NCOR2: variants seen among roughly 807,000 people sequenced by gnomAD.
The protein encoded by NCOR2 is nuclear receptor corepressor 2, also known as CTG repeat protein 26.
NCOR2 carries 81 observed loss-of-function variants against 262.9 expected under a neutral mutation model. The ratio of observed to expected loss-of-function variants is 0.31; its 90% CI spans 0.26 to 0.37. The LOEUF is 0.37. NCOR2 is among the 10% of genes least tolerant of loss of function. The pLI is 1.00. For missense variants in NCOR2, 3,385 were observed against 3,621.4 expected, an observed-to-expected ratio of 0.93 and a Z score of 1.68; for synonymous variants, 1,659 against 1,559.3, an observed-to-expected ratio of 1.06 and a Z score of -1.51.
Position 124,531,466 on chromosome 12 carries a change from T to C in NCOR2, c.-118+4099A>G, listed in dbSNP as rs1192208973. On this transcript the variant is annotated intron_variant, in intron 1 of 46. Transcript: ENST00000404621. This position sits in a 1 kb window ranked among gnomAD's most constrained non-coding sequence, Gnocchi z 4.5. ...CACAGGCACCATTAATTGCTGTCAT[T>C]TGAGGGTGGCCTGTGGGGAGAAGGA... is the stretch of plus-strand genomic sequence containing the variant. Among the ~76,000 whole-genome samples the C allele has an allele frequency of 1.3e-5, 2 of 151,560 alleles. No homozygotes were observed. The highest frequency in any genetic ancestry group is 4.9e-5 in the African/African-American group (2 of 41,034).
At chr12:124,370,743 G>C (rs963188673) in intron 20 of NCOR2, among the ~76,000 whole-genome samples, 4 of 152,182 alleles carry the variant, frequency 2.6e-5, no homozygotes, top group African/African-American at 9.7e-5. Context: ...CATTCTCAGG[G>C]ATGTGGGGTC....
chr12:124,375,511 C>T (rs2039921235), intron 18 of NCOR2, among the ~76,000 whole-genome samples: 1 of 152,344 alleles, frequency 6.6e-6, no homozygotes, highest in Admixed American at 6.5e-5. Context: ...CACTCTGCCA[C>T]CGCTGCCCTA....
chr12:124,355,689 C>T lies in NCOR2; in HGVS notation c.3242-118G>A, dbSNP rs185988997. The T allele has an allele frequency of 4.1e-5, 55 of 1,353,156 alleles. No homozygotes were observed. The East Asian group carries it at 4.8e-4, about 12-fold the overall frequency. The allele number at this position is 1,353,156 out of a possible 1,614,324, so 83.8% of individuals were successfully genotyped here. A position where few individuals can be genotyped will look rare whatever the true frequency, so the allele number is the denominator to read the frequency against. On this transcript the variant is annotated intron_variant, in intron 23 of 46. Transcript: ENST00000405201. The stretch of plus-strand genomic sequence containing the variant: ...CCTGGCCAGGAAGTGCCCATCCATG[C>T]GCACTCCTCTATTGCCCTGCCTGGC...
Position 124,449,881 on chromosome 12 carries a change from G to A in NCOR2, c.763-14C>T. ...GTTGTACAGCGGCTGCAAAGGGAGA[G>A]AGAGAAGCACATCAGAGCCTGGCTG... On this transcript the variant is annotated splice_polypyrimidine_tract_variant and intron_variant, in intron 6 of 46. Transcript: ENST00000405201. 6 of 1,613,580 alleles carry A rather than the reference G, an allele frequency of 3.7e-6. No individual in the cohort carries two copies. The highest frequency in any genetic ancestry group is 5.1e-6 in the Non-Finnish European group (6 of 1,179,760).
At chr12:124,470,983 C>T (rs137872660) in intron 4 of NCOR2, among the ~76,000 whole-genome samples, 55 of 152,344 alleles carry the variant, frequency 3.6e-4, no homozygotes, top group African/African-American at 1.0e-3. Flanking sequence ...CCTAACGGTG[C>T]GGTACCAGGC....
Position 124,531,253 on chromosome 12 carries a change from G to C in NCOR2, c.-118+4312C>G, listed in dbSNP as rs1374273388. Among the ~76,000 whole-genome samples, 4 of 152,218 alleles carry C rather than the reference G, an allele frequency of 2.6e-5. No homozygotes were observed. Among genetic ancestry groups the C allele is most frequent in the Non-Finnish European group, 4.4e-5 (3 of 68,038 alleles). On this transcript the variant is annotated intron_variant, in intron 1 of 46. Coordinates refer to the NCOR2 transcript ENST00000404621. The surrounding 1 kb of genome is among the most constrained non-coding windows in gnomAD (Gnocchi z 4.5). ...ATGATAATAATAATAGAAGGACAGG[G>C]AGGGGGCTGCAGGGATGGGGGCTCT...
exon 21 of NCOR2, chr12:124,363,766 C>G (rs779125633): frequency 3.6e-6 from 5 of 1,380,676 alleles, no homozygotes; most frequent in Non-Finnish European, 4.7e-6. Context: ...GGTCGCCAGT[C>G]GGGGTGAGGA....
At chr12:124,542,293 T>C (rs1184078255) in intron 1 of NCOR2, among the ~76,000 whole-genome samples, 2 of 151,750 alleles carry the variant, frequency 1.3e-5, no homozygotes, top group African/African-American at 4.8e-5. Context: ...CAGGGCTCAG[T>C]ATAAATCCTC....
rs1484981448 is a variant in NCOR2, at chr12:124,517,054, C to T, written c.-118+18511G>A. On this transcript the variant is annotated intron_variant, in intron 1 of 46. Coordinates refer to the NCOR2 transcript ENST00000404621. This position sits in a 1 kb window ranked among gnomAD's most constrained non-coding sequence, Gnocchi z 7.6. ...ACAGGAACCCAGGCAGTCTGCCCCG[C>T]GTTCCCCCTAAAACTGCAGCTCCTT... Among the ~76,000 whole-genome samples the T allele has an allele frequency of 6.6e-6, 1 of 152,078 alleles. No homozygotes were observed. Among genetic ancestry groups the T allele is most frequent in the Non-Finnish European group, 1.5e-5 (1 of 68,010 alleles).
At chr12:124,539,625 G>A (rs890238758), upstream of NCOR2, 3 of 152,298 alleles carry the variant, frequency 2.0e-5, no homozygotes, top group African/African-American at 7.2e-5. The surrounding 1 kb of genome is among the most constrained non-coding windows in gnomAD (Gnocchi z 5.1). Context: ...GGAGAGCAAG[G>A]ACCAGTTCCA....
rs761180663 is a variant in NCOR2 at position 124,362,272 on chromosome 12, G to C, written c.2954C>G (p.Pro985Arg). 1.3e-5 allele frequency: 17 copies of C among 1,313,694 alleles called. No homozygotes were observed. The highest frequency in any genetic ancestry group is 3.0e-5 in the African/African-American group (2 of 66,582). 81.4% of individuals were successfully genotyped at this position (1,313,694 alleles called of 1,614,324 possible). Reference sequence around the variant, plus strand: ...CTTGGTGGGAGCTGCGTCCTCCCGGGGGGGCTCATGGACTTTGGTGACCTG... The same window carrying C: ...CTTGGTGGGAGCTGCGTCCTCCCGGCGGGGCTCATGGACTTTGGTGACCTG... The change falls in exon 22 of 47, where the codon CCC (proline) becomes CGC (arginine). Residue 985 changes from proline (P) to arginine (R), a missense_variant. Around this residue, in one of 5 missense-constraint regions of NCOR2, gnomAD observed 1,615 missense variants for 1,626.9 expected, o/e 0.99. Coordinates refer to ENST00000405201, the Ensembl canonical transcript of NCOR2.
intron 11 of NCOR2, among the ~76,000 whole-genome samples, chr12:124,423,306 C>T (rs764170750): frequency 5.9e-5 from 9 of 152,198 alleles, no homozygotes; most frequent in African/African-American, 7.2e-5. Context: ...GTCCCGGCGA[C>T]GTGCCACAGC....
chr12:124,493,768 C>T (rs911878948), intron 1 of NCOR2, among the ~76,000 whole-genome samples: 1 of 152,176 alleles, frequency 6.6e-6, no homozygotes, highest in African/African-American at 2.4e-5. Context: ...GAGTCTATTC[C>T]TTAGCCCCAG....
At chr12:124,521,295 G>C (rs943192598) in intron 1 of NCOR2, among the ~76,000 whole-genome samples, 1 of 152,232 alleles carries the variant, frequency 6.6e-6, no homozygotes, top group Non-Finnish European at 1.5e-5. Context: ...CCGTGAGCCA[G>C]ACACGTCTGG....
chr12:124,444,409 C>G (rs1186056883), intron 7 of NCOR2, among the ~76,000 whole-genome samples: 1 of 152,128 alleles, frequency 6.6e-6, no homozygotes, highest in Non-Finnish European at 1.5e-5. Context: ...GATAAGGAGG[C>G]AGGAATTATG....
At chr12:124,558,616 T>C (rs2051963689) in intron 1 of NCOR2, among the ~76,000 whole-genome samples, 2 of 152,056 alleles carry the variant, frequency 1.3e-5, no homozygotes, top group African/African-American at 4.8e-5. Flanking sequence ...GCCTGGGGGA[T>C]GCGGGGGTCA....
intron 19 of NCOR2, among the ~76,000 whole-genome samples, 178 bp downstream of exon 21, chr12:124,374,235 C>T (rs892335529): frequency 4.6e-5 from 7 of 152,226 alleles, no homozygotes; most frequent in African/African-American, 1.7e-4. Flanking sequence ...AGCCCGGGAC[C>T]AGCATGGGGA....
In NCOR2 at chr12:124,437,913, C is replaced by T. The variant is rs1440169964; in HGVS notation, c.882+17G>A. On this transcript the variant is annotated intron_variant, in intron 8 of 46. Coordinates refer to ENST00000405201, the Ensembl canonical transcript of NCOR2. ...AGATCTCAAGGAAAGCTGATGGGGG[C>T]CACGGTGTGGACTTACCCATTGTTT... 4 of 1,607,984 alleles carry T rather than the reference C, an allele frequency of 2.5e-6. No homozygotes were observed. The highest frequency in any genetic ancestry group is 1.3e-5 in the African/African-American group (1 of 74,848).
chr12:124,410,205 G>T (rs1024642644), intron 13 of NCOR2, among the ~76,000 whole-genome samples: 2 of 147,374 alleles, frequency 1.4e-5, no homozygotes, highest in Non-Finnish European at 3.0e-5. Context: ...GATCCTGACC[G>T]ATCTGCTGCC....
Sources: allele counts gnomAD v4.1 joint callset (sites outside exome capture counted in the v4.1 genomes callset), GRCh38; gene constraint gnomAD v4.1.1; regional missense constraint gnomAD v4.1.1; non-coding constraint Gnocchi (gnomAD v3.1); transcripts MANE v1.5; gene names NCBI Gene and HGNC (gene_info 2026-07-23, HGNC 2026-07-21).